The following CHRNB3 variants were observed in gnomAD, a reference collection of about 807,000 sequenced individuals.
The protein encoded by CHRNB3 is cholinergic receptor nicotinic beta 3 subunit, also known as neuronal acetylcholine receptor subunit beta-3.
In CHRNB3, 37 loss-of-function variants were observed where a neutral mutation model predicts 40.6. The ratio of observed to expected loss-of-function variants is 0.91; its 90% CI spans 0.70 to 1.20. CHRNB3 has a LOEUF of 1.20. Among genes scored for constraint, CHRNB3 ranks in the 50% most tolerant of loss-of-function variants. CHRNB3 has a pLI of 0.00. For missense variants in CHRNB3, 505 were observed against 551.2 expected, an observed-to-expected ratio of 0.92 and a Z score of 0.84; for synonymous variants, 207 against 207.1, an observed-to-expected ratio of 1.00 and a Z score of 0.00.
intron 3 of CHRNB3, 121 bp downstream of exon 3, chr8:42,710,555 G>C (rs1815997920): frequency 2.5e-6 from 2 of 785,182 alleles, no homozygotes; most frequent in Admixed American, 5.5e-5. Flanking sequence ...GAGATTTGTG[G>C]GAAGGGTCTA....
At chr8:42,701,747 A>G (rs1401146559) in intron 1 of CHRNB3, among the ~76,000 whole-genome samples, 1 of 152,158 alleles carries the variant, frequency 6.6e-6, no homozygotes, top group East Asian at 1.9e-4. Context: ...TGCTCTGTTG[A>G]GATAAACAGC....
rs1162971957 is a variant in CHRNB3, at chr8:42,725,085, CTTTCTTTTT to C, written c.250-5505_250-5497del. On this transcript the variant is annotated intron_variant, in intron 3 of 5. Transcript: ENST00000289957. ...AGCTACTGTCTTTTCTTTTTTCTTT[CTTTCTTTTT>C]TTTTTTTTTTTTGAGACAGAGTTTT... is the stretch of plus-strand genomic sequence containing the variant. Among the ~76,000 whole-genome samples, 14 of 147,944 alleles carry C rather than the reference CTTTCTTTTT, an allele frequency of 9.5e-5. No individual in the cohort carries two copies. In the East Asian group the frequency reaches 2.8e-3, roughly 29 times the overall value.
chr8:42,733,585 CCTT>C (rs1274329555), intron 5 of CHRNB3, among the ~76,000 whole-genome samples: 1 of 143,928 alleles, frequency 6.9e-6, no homozygotes, highest in Non-Finnish European at 1.5e-5. Context: ...TCATCCTCAT[CCTT>C]CTTCTTTTTT....
intron 3 of CHRNB3, among the ~76,000 whole-genome samples, chr8:42,712,339 A>G (rs1253773361): frequency 6.6e-6 from 1 of 152,162 alleles, no homozygotes; most frequent in Admixed American, 6.6e-5. Context: ...TTGTTTTAAA[A>G]TATTCCTGGT....
In CHRNB3 at chr8:42,705,018, C is replaced by T. The variant is rs554311243; in HGVS notation, c.53-3699C>T. On this transcript the variant is annotated intron_variant, in intron 1 of 5. Transcript: ENST00000289957. Reference sequence around the variant, plus strand: ...CTGTGTGTCTTTCCATTCTGCCCTCCTATGTGTGTAGCTTTCATCAGGTTT... The same window carrying T: ...CTGTGTGTCTTTCCATTCTGCCCTCTTATGTGTGTAGCTTTCATCAGGTTT... Among the ~76,000 whole-genome samples the T allele has an allele frequency of 1.4e-3, 217 of 152,268 alleles. 2 individuals carry two copies. The highest frequency in any genetic ancestry group is 4.9e-3 in the African/African-American group (203 of 41,556).
chr8:42,718,280 A>G (rs1816154141), intron 3 of CHRNB3, among the ~76,000 whole-genome samples: 1 of 152,178 alleles, frequency 6.6e-6, no homozygotes, highest in African/African-American at 2.4e-5. Context: ...TAAGATGACT[A>G]GAGATCCCAG....
intron 3 of CHRNB3, among the ~76,000 whole-genome samples, chr8:42,712,667 C>T (rs1816036227): frequency 6.6e-6 from 1 of 152,108 alleles, no homozygotes; most frequent in Non-Finnish European, 1.5e-5. Context: ...CCCACTTTTG[C>T]AATTCAGAGG....
intron 1 of CHRNB3, among the ~76,000 whole-genome samples, chr8:42,708,382 C>T (rs1162043587): frequency 6.6e-6 from 1 of 152,060 alleles, no homozygotes; most frequent in Non-Finnish European, 1.5e-5. Context: ...AGGAGAATGG[C>T]ATGAACCCTG....
At chr8:42,712,375 T>G (rs1187036913) in intron 3 of CHRNB3, among the ~76,000 whole-genome samples, 6 of 152,198 alleles carry the variant, frequency 3.9e-5, no homozygotes, top group Non-Finnish European at 7.3e-5. Flanking sequence ...TAATGCTTTA[T>G]AAGGAGCAAT....
chr8:42,732,622 C>T, intron 5 of CHRNB3, 73 bp downstream of exon 5: 2 of 1,350,810 alleles, frequency 1.5e-6, no homozygotes, highest in South Asian at 1.5e-5. Context: ...CATCTGTTTA[C>T]AATAAAATAT....
intron 1 of CHRNB3, among the ~76,000 whole-genome samples, chr8:42,707,300 C>A (rs1379532665): frequency 1.3e-5 from 2 of 152,192 alleles, no homozygotes; most frequent in Non-Finnish European, 2.9e-5. Context: ...AAAAGAATCC[C>A]TGGATTTTGA....
intron 4 of CHRNB3, among the ~76,000 whole-genome samples, chr8:42,731,345 G>A (rs1054567233): frequency 6.6e-6 from 1 of 152,120 alleles, no homozygotes; most frequent in African/African-American, 2.4e-5. Flanking sequence ...CATGAGGTCA[G>A]GAGTTCGGGA....
At chr8:42,723,047 A>G (rs1816246857) in intron 3 of CHRNB3, among the ~76,000 whole-genome samples, 4 of 143,100 alleles carry the variant, frequency 2.8e-5, no homozygotes, top group Admixed American at 2.8e-4. Context: ...TATTACTTAG[A>G]TATTTACTAA....
At chr8:42,723,063 C>T (rs1022900664) in intron 3 of CHRNB3, among the ~76,000 whole-genome samples, 10 of 141,606 alleles carry the variant, frequency 7.1e-5, no homozygotes, top group African/African-American at 2.3e-4. Flanking sequence ...ACTAAAATAT[C>T]GTAATAGGAT....
chr8:42,699,945 A>T (rs1815753256), intron 1 of CHRNB3, among the ~76,000 whole-genome samples: 1 of 150,810 alleles, frequency 6.6e-6, no homozygotes, highest in African/African-American at 2.4e-5. Context: ...ATATACCAAA[A>T]GGCATCAAAG....
chr8:42,703,427 A>ATATATATAT (rs1815855622), intron 1 of CHRNB3, among the ~76,000 whole-genome samples: 2 of 35,818 alleles, frequency 5.6e-5, no homozygotes, highest in African/African-American at 1.1e-4. Context: ...TCGTCTAAAA[A>ATATATATAT]AAAAAAAAAT....
Position 42,732,109 on chromosome 8 carries a change from T to C in CHRNB3, c.802T>C (p.Ser268Pro). Reference sequence around the variant, plus strand: ...GGATGAAGGAGAAAAACTTTCATTATCCACATCGGTCTTGGTTTCTCTGAC... The same window carrying C: ...GGATGAAGGAGAAAAACTTTCATTACCCACATCGGTCTTGGTTTCTCTGAC... The part of the protein sequence containing the change: ...PSDEGEKLSL[S>P]TSVLVSLTVF... The change falls in exon 5 of 6, where the codon TCC (serine) becomes CCC (proline). Residue 268 changes from serine (S) to proline (P), a missense_variant. Coordinates refer to ENST00000289957, the MANE Select transcript of CHRNB3 (RefSeq NM_000749.5). The C allele has an allele frequency of 6.2e-7, 1 of 1,614,060 alleles. No individual in the cohort carries two copies. The highest frequency in any genetic ancestry group is 8.5e-7 in the Non-Finnish European group (1 of 1,180,014).
chr8:42,701,758 A>AGTTTATCTTGAGTGAAGG (rs1346231945), intron 1 of CHRNB3, among the ~76,000 whole-genome samples: 2 of 152,208 alleles, frequency 1.3e-5, no homozygotes, highest in African/African-American at 4.8e-5. Context: ...GATAAACAGC[A>AGTTTATCTTGAGTGAAGG]GCTTGAGTGA....
chr8:42,707,829 T>C (rs1815943518), intron 1 of CHRNB3, among the ~76,000 whole-genome samples: 1 of 152,220 alleles, frequency 6.6e-6, no homozygotes, highest in South Asian at 2.1e-4. Flanking sequence ...AGTGACCATG[T>C]GCCGACTCTG....
Sources: allele counts gnomAD v4.1 joint callset (sites outside exome capture counted in the v4.1 genomes callset), GRCh38; gene constraint gnomAD v4.1.1; transcripts MANE v1.5; gene names NCBI Gene and HGNC (gene_info 2026-07-23, HGNC 2026-07-21).